IKBKB: variants seen among roughly 807,000 people sequenced by gnomAD.
IKBKB encodes inhibitor of nuclear factor kappa B kinase subunit beta.
A neutral mutation model predicts 113.6 loss-of-function variants in IKBKB; 42 were observed. That is an observed-to-expected ratio of 0.37 (90% CI 0.29 to 0.48). The LOEUF (loss-of-function observed/expected upper bound fraction) is 0.48, where lower values mean the gene tolerates loss of function less well. IKBKB is among the 20% of genes least tolerant of loss of function. IKBKB has a pLI of 0.99. For missense variants in IKBKB, 673 were observed against 939.7 expected, an observed-to-expected ratio of 0.72 and a Z score of 3.71; for synonymous variants, 296 against 361.3, an observed-to-expected ratio of 0.82 and a Z score of 2.05.
intron 2 of IKBKB, among the ~76,000 whole-genome samples, chr8:42,277,329 C>G (rs1312958881): frequency 6.6e-6 from 1 of 151,830 alleles, no homozygotes; most frequent in Non-Finnish European, 1.5e-5. Flanking sequence ...ATTACAGGCA[C>G]CTGCCACCAT....
chr8:42,297,755 C>T (rs533463236), intron 5 of IKBKB, among the ~76,000 whole-genome samples: 8 of 152,156 alleles, frequency 5.3e-5, no homozygotes, highest in African/African-American at 7.2e-5. Flanking sequence ...ATTATCTGGG[C>T]GTGGTGGCGT....
intron 9 of IKBKB, among the ~76,000 whole-genome samples, chr8:42,315,849 G>C (rs1332830366): frequency 6.6e-6 from 1 of 152,134 alleles, no homozygotes; most frequent in African/African-American, 2.4e-5. Context: ...TTTTAGTAGA[G>C]ATGGGGTTTC....
At chr8:42,330,071 T>G (rs927123064) in intron 21 of IKBKB, 30 of 985,318 alleles carry the variant, frequency 3.0e-5, no homozygotes, top group Non-Finnish European at 3.5e-5. Context: ...TACTTGCATG[T>G]CTGTGGGAGG....
chr8:42,330,833 C>T, intron 21 of IKBKB, 81 bp from the exon 22 acceptor site: 6 of 1,609,038 alleles, frequency 3.7e-6, no homozygotes, highest in Non-Finnish European at 4.2e-6. Flanking sequence ...TCTCAATTGT[C>T]CTGATTTCCT....
chr8:42,309,280 G>A lies in IKBKB; in HGVS notation c.692+255G>A, dbSNP rs74688133. Among the ~76,000 whole-genome samples the A allele has an allele frequency of 1.9e-3, 296 of 152,316 alleles. 3 individuals carry two copies. The Middle Eastern group carries it at 0.024, about 12-fold the overall frequency. Reference sequence around the variant, plus strand: ...CATCTTTAAATACAATGCTGTGTCAGTGTCATCTGCTCTGTGTTCAGAAGT... The same window carrying A: ...CATCTTTAAATACAATGCTGTGTCAATGTCATCTGCTCTGTGTTCAGAAGT... On this transcript the variant is annotated intron_variant, in intron 8 of 21. Transcript: ENST00000520810.
At chr8:42,302,441 C>G (rs983534856) in intron 5 of IKBKB, among the ~76,000 whole-genome samples, 1 of 152,032 alleles carries the variant, frequency 6.6e-6, no homozygotes, top group Non-Finnish European at 1.5e-5. Flanking sequence ...ACCACATGGT[C>G]GAAGGCTGGA....
intron 19 of IKBKB, among the ~76,000 whole-genome samples, chr8:42,323,077 G>C (rs1820069146): frequency 6.6e-6 from 1 of 152,162 alleles, no homozygotes; most frequent in South Asian, 2.1e-4. Flanking sequence ...TCCAGTCTCT[G>C]TCTCTGTCTT....
chr8:42,277,821 G>T (rs1481382590), intron 2 of IKBKB, among the ~76,000 whole-genome samples: 1 of 152,184 alleles, frequency 6.6e-6, no homozygotes, highest in Non-Finnish European at 1.5e-5. Context: ...CCAGGGCTGG[G>T]TCTGGCCTTT....
In IKBKB at chr8:42,271,393, G is replaced by A. The variant is rs779507024; in HGVS notation, c.-95G>A. On this transcript the variant is annotated 5_prime_UTR_variant, in exon 1 of 22. Coordinates refer to ENST00000520810, the MANE Select transcript of IKBKB (RefSeq NM_001556.3). Reference sequence around the variant, plus strand: ...TTAATGTTTTCAGGGGGGTGTCATAGCCCCGGGTTTGGCCGCCCCAGCCCC... The same window carrying A: ...TTAATGTTTTCAGGGGGGTGTCATAACCCCGGGTTTGGCCGCCCCAGCCCC... The A allele has an allele frequency of 6.6e-7, 1 of 1,514,808 alleles. No homozygotes were observed. The highest frequency in any genetic ancestry group is 1.2e-5 in the South Asian group (1 of 83,566). The allele number at this position is 1,514,808 out of a possible 1,614,324, so 93.8% of individuals were successfully genotyped here. A position where few individuals can be genotyped will look rare whatever the true frequency, so the allele number is the denominator to read the frequency against.
At chr8:42,327,236 G>C (rs955056341) in intron 20 of IKBKB, among the ~76,000 whole-genome samples, 9 of 151,356 alleles carry the variant, frequency 5.9e-5, no homozygotes, top group Non-Finnish European at 8.8e-5. Flanking sequence ...GCACGCGCTT[G>C]TAATCCTAGC....
chr8:42,288,708 G>A lies in IKBKB; in HGVS notation c.180G>A (p.Leu60=). The part of the protein sequence containing the change: ...LSPRNRERWC[L]EIQIMRRLTH... ...CCCGGAACCGAGAGCGGTGGTGCCT[G>A]GAGATCCAGATCATGAGAAGGTGAG... Residue 60 remains leucine, a synonymous_variant, in exon 3 of 22, where the codon CTG becomes CTA. Coordinates refer to ENST00000520810, the MANE Select transcript of IKBKB (RefSeq NM_001556.3). The A allele has an allele frequency of 6.2e-7, 1 of 1,610,834 alleles. No individual in the cohort carries two copies. Among genetic ancestry groups the A allele is most frequent in the Non-Finnish European group, 8.5e-7 (1 of 1,178,356 alleles).
chr8:42,271,432 C>A lies in IKBKB; in HGVS notation c.-56C>A. ...CGCCCCAGCCCCGCCTTCCCCGCCCCGGGGAGCCCGCCCCCTGCCCCGCGT... is the reference window on the plus strand; with the variant it reads ...CGCCCCAGCCCCGCCTTCCCCGCCCAGGGGAGCCCGCCCCCTGCCCCGCGT... On this transcript the variant is annotated 5_prime_UTR_variant, in exon 1 of 22. Transcript: ENST00000520810. 1 of 1,481,016 alleles carries A rather than the reference C, an allele frequency of 6.8e-7. No individual in the cohort carries two copies. Among genetic ancestry groups the A allele is most frequent in the Non-Finnish European group, 9.1e-7 (1 of 1,100,888 alleles). The allele number at this position is 1,481,016 out of a possible 1,614,324, so 91.7% of individuals were successfully genotyped here. A position where few individuals can be genotyped will look rare whatever the true frequency, so the allele number is the denominator to read the frequency against.
At chr8:42,284,919 C>T (rs969472188) in intron 2 of IKBKB, among the ~76,000 whole-genome samples, 25 of 147,046 alleles carry the variant, frequency 1.7e-4, no homozygotes, top group Middle Eastern at 3.7e-3. Context: ...TGCAGTGGCA[C>T]GATCTCGGTT....
At chr8:42,272,501 A>G (rs1410050532) in intron 2 of IKBKB, 2 of 470,558 alleles carry the variant, frequency 4.3e-6, no homozygotes, top group East Asian at 3.2e-5. Flanking sequence ...TACTGATATT[A>G]TATGTTATAA....
chr8:42,322,661 G>A (rs1027211735), intron 19 of IKBKB, among the ~76,000 whole-genome samples, 167 bp downstream of exon 19: 3 of 152,186 alleles, frequency 2.0e-5, no homozygotes, highest in Non-Finnish European at 2.9e-5. Context: ...TAAGCGGGGA[G>A]GTCAGAGGAA....
At chr8:42,298,403 C>T in intron 5 of IKBKB, 4 of 985,416 alleles carry the variant, frequency 4.1e-6, no homozygotes, top group Non-Finnish European at 4.8e-6. Context: ...AGCAGGCATC[C>T]AGGACTTCAG....
At chr8:42,274,965 C>T (rs1808761838) in intron 2 of IKBKB, among the ~76,000 whole-genome samples, 1 of 151,986 alleles carries the variant, frequency 6.6e-6, no homozygotes, top group African/African-American at 2.4e-5. Flanking sequence ...CAACTGGTGT[C>T]TCCCAGGTTC....
At chr8:42,276,860 ATTT>A (rs764463407) in intron 2 of IKBKB, among the ~76,000 whole-genome samples, 6 of 101,576 alleles carry the variant, frequency 5.9e-5, no homozygotes, top group Admixed American at 1.1e-4. Context: ...CACCCGGCTA[ATTT>A]TTTTTTTTTT....
chr8:42,272,028 A>G, intron 1 of IKBKB, 55 bp from the exon 2 acceptor site: 2 of 1,550,270 alleles, frequency 1.3e-6, no homozygotes, highest in Non-Finnish European at 1.7e-6. Flanking sequence ...CATCCCTTTG[A>G]GCTCCATTTT....
Sources: gnomAD v4.1 joint callset for allele counts (sites outside exome capture counted in the v4.1 genomes callset) on GRCh38, gnomAD v4.1.1 for gene constraint, MANE v1.5 for transcripts, NCBI Gene and HGNC (gene_info 2026-07-23, HGNC 2026-07-21) for gene names.